DPP6: variants seen among roughly 807,000 people sequenced by gnomAD.
DPP6 encodes the protein A-type potassium channel modulatory protein DPP6.
A neutral mutation model predicts 122.6 loss-of-function variants in DPP6; 69 were observed. That is an observed-to-expected ratio of 0.56 (90% CI 0.46 to 0.69). The LOEUF (loss-of-function observed/expected upper bound fraction) is 0.69. DPP6 is among the 30% of genes least tolerant of loss of function. The probability of loss-of-function intolerance (pLI) is 0.00; values close to 1 mark genes in which losing one functional copy is unlikely to be tolerated. For synonymous variants in DPP6, 418 were observed against 433.1 expected, an observed-to-expected ratio of 0.97 and a Z score of 0.43; for missense variants, 928 against 1,116.9, an observed-to-expected ratio of 0.83 and a Z score of 2.41.
intron 1 of DPP6, among the ~76,000 whole-genome samples, chr7:153,936,376 G>A (rs1284078782): frequency 6.6e-6 from 1 of 152,176 alleles, no homozygotes; most frequent in Non-Finnish European, 1.5e-5. Context: ...CTGGGGTGGG[G>A]AACGTCCTGC....
At chr7:154,440,002 A>C (rs1214000675) in intron 1 of DPP6, among the ~76,000 whole-genome samples, 1 of 152,222 alleles carries the variant, frequency 6.6e-6, no homozygotes, top group Non-Finnish European at 1.5e-5. Flanking sequence ...GACACTGCCC[A>C]GGGGAAGAGG....
chr7:154,586,968 G>C (rs531970255), intron 5 of DPP6, among the ~76,000 whole-genome samples: 8 of 152,136 alleles, frequency 5.3e-5, no homozygotes, highest in Non-Finnish European at 1.2e-4. Context: ...GCAAATATTC[G>C]TTGGATAAAT....
intron 16 of DPP6, among the ~76,000 whole-genome samples, chr7:154,849,054 A>G (rs552092436): frequency 6.6e-6 from 1 of 152,136 alleles, no homozygotes; most frequent in South Asian, 2.1e-4. Flanking sequence ...TGCTGTTTTG[A>G]TTACTACATC....
intron 1 of DPP6, among the ~76,000 whole-genome samples, chr7:153,997,610 C>CACACACACACACAA (rs1418776462): frequency 6.6e-6 from 1 of 150,966 alleles, no homozygotes; most frequent in Non-Finnish European, 1.5e-5. Flanking sequence ...CACACACACA[C>CACACACACACACAA]ACACACCTGT....
At chr7:154,551,362 A>G (rs1028578908) in intron 4 of DPP6, among the ~76,000 whole-genome samples, 11 of 152,330 alleles carry the variant, frequency 7.2e-5, no homozygotes, top group Admixed American at 2.0e-4. Flanking sequence ...TTGTAGCAGA[A>G]AAAGCAAAAT....
intron 3 of DPP6, among the ~76,000 whole-genome samples, chr7:154,476,340 T>C (rs144481600): frequency 4.2e-4 from 64 of 152,318 alleles, no homozygotes; most frequent in African/African-American, 1.4e-3. Context: ...TTTTGTTTGG[T>C]GGAGGAATTG....
At chr7:153,804,994 T>G in the DPP6 span, among the ~76,000 whole-genome samples, 1 of 152,168 alleles carries the variant, frequency 6.6e-6, no homozygotes, top group Non-Finnish European at 1.5e-5. Flanking sequence ...GGTGTTGAAA[T>G]GTGATTCAGA....
intron 1 of DPP6, among the ~76,000 whole-genome samples, chr7:154,071,222 A>G (rs1585310970): frequency 1.3e-5 from 2 of 152,192 alleles, no homozygotes; most frequent in East Asian, 3.9e-4. Flanking sequence ...GAAAAAGGAG[A>G]AAGGGAAGCT....
intron 1 of DPP6, among the ~76,000 whole-genome samples, chr7:154,272,056 A>G (rs1272978498): frequency 1.3e-5 from 2 of 152,188 alleles, no homozygotes; most frequent in South Asian, 4.1e-4. Flanking sequence ...ATCCTGAAAT[A>G]ATCAATGTAT....
At chr7:154,153,781 G>A (rs1796544785) in intron 1 of DPP6, among the ~76,000 whole-genome samples, 1 of 152,190 alleles carries the variant, frequency 6.6e-6, no homozygotes, top group African/African-American at 2.4e-5. Flanking sequence ...TAGATGAACG[G>A]GTGTGACTGT....
chr7:154,262,331 G>C (rs1233531392), intron 1 of DPP6, among the ~76,000 whole-genome samples: 1 of 152,046 alleles, frequency 6.6e-6, no homozygotes, highest in East Asian at 1.9e-4. Flanking sequence ...GAGGTAATTA[G>C]GTTAAAATGA....
intron 1 of DPP6, among the ~76,000 whole-genome samples, chr7:154,364,193 A>G (rs1160796755): frequency 6.6e-6 from 1 of 152,236 alleles, no homozygotes; most frequent in Non-Finnish European, 1.5e-5. Context: ...ATAAGCTTTT[A>G]GAAAAGACTG....
At chr7:154,806,646 C>T (rs1033412067) in intron 15 of DPP6, among the ~76,000 whole-genome samples, 2 of 152,228 alleles carry the variant, frequency 1.3e-5, no homozygotes, top group Non-Finnish European at 2.9e-5. Flanking sequence ...GGACAGGACA[C>T]GTGCAGATAG....
chr7:154,889,538 A>G lies in DPP6; in HGVS notation c.2451+8A>G. ...GCTAATTACAGCTTACAGGTACAGT[A>G]CGCATGTTACTCTGTTTTGAACCTG... is the stretch of plus-strand genomic sequence containing the variant. On this transcript the variant is annotated splice_region_variant and intron_variant, in intron 25 of 25. Coordinates refer to ENST00000377770, the MANE Select transcript of DPP6 (RefSeq NM_130797.4). The G allele has an allele frequency of 6.2e-7, 1 of 1,603,204 alleles. No homozygotes were observed. Among genetic ancestry groups the G allele is most frequent in the African/African-American group, 1.3e-5 (1 of 74,470 alleles).
chr7:154,588,323 C>G, intron 5 of DPP6: 1 of 613,842 alleles, frequency 1.6e-6, no homozygotes. Flanking sequence ...AGGAGACTGG[C>G]TCTCCTGGAT....
chr7:154,500,159 C>A (rs947293093), intron 3 of DPP6, among the ~76,000 whole-genome samples: 58 of 152,088 alleles, frequency 3.8e-4, no homozygotes, highest in Admixed American at 1.4e-3. Context: ...CAGCCAAAGC[C>A]ACAGGGAACA....
intron 7 of DPP6, among the ~76,000 whole-genome samples, chr7:154,686,779 G>T (rs757490061): frequency 2.0e-5 from 3 of 152,020 alleles, no homozygotes; most frequent in Admixed American, 2.0e-4. Flanking sequence ...AGTTTTCTAC[G>T]CTTCATTATT....
chr7:154,721,445 G>A (rs1049499017), intron 7 of DPP6, among the ~76,000 whole-genome samples: 5 of 152,148 alleles, frequency 3.3e-5, no homozygotes, highest in African/African-American at 7.2e-5. Context: ...AAGATTAAGC[G>A]AGTTAATGCT....
intron 1 of DPP6, among the ~76,000 whole-genome samples, chr7:154,303,611 A>G (rs998701255): frequency 2.6e-5 from 4 of 151,712 alleles, no homozygotes; most frequent in African/African-American, 7.3e-5. Context: ...TGCTATACCC[A>G]CCCCTGGACC....
Sources: gnomAD v4.1 joint callset for allele counts (sites outside exome capture counted in the v4.1 genomes callset) on GRCh38, gnomAD v4.1.1 for gene constraint, MANE v1.5 for transcripts, NCBI Gene and HGNC (gene_info 2026-07-23, HGNC 2026-07-21) for gene names.